The following ITGA9 variants were observed in gnomAD, a reference collection of about 807,000 sequenced individuals.
The protein encoded by ITGA9 is integrin alpha-9.
In ITGA9, 56 loss-of-function variants were observed where a neutral mutation model predicts 127.8. The observed-to-expected ratio is 0.44, with a 90% CI of 0.35 to 0.55. The LOEUF is 0.55. ITGA9 is among the 20% of genes least tolerant of loss of function. The pLI is 0.00. For synonymous variants in ITGA9, 508 were observed against 514.5 expected (o/e 0.99, Z 0.17); for missense variants, 1,196 against 1,347.1 (o/e 0.89, Z 1.76).
chr3:37,672,814 TTAAAATA>T (rs144672745), intron 17 of ITGA9, among the ~76,000 whole-genome samples: 1,807 of 152,030 alleles, frequency 0.012, 10 homozygotes, highest in South Asian at 0.024. Context: ...CTAGAATAGA[TTAAAATA>T]TAAAATAAAA....
intron 18 of ITGA9, among the ~76,000 whole-genome samples, chr3:37,686,203 T>C (rs925271661): frequency 4.6e-5 from 7 of 151,548 alleles, no homozygotes; most frequent in African/African-American, 1.7e-4. Flanking sequence ...TGAGGCACAA[T>C]GTGTGTGAAT....
intron 15 of ITGA9, among the ~76,000 whole-genome samples, chr3:37,583,187 G>C (rs1475460631): frequency 1.3e-5 from 2 of 152,058 alleles, no homozygotes; most frequent in African/African-American, 2.4e-5. Flanking sequence ...ATATATTCTT[G>C]GTTTAGATTT....
chr3:37,812,893 C>A (rs1697385011), intron 27 of ITGA9, among the ~76,000 whole-genome samples: 2 of 152,258 alleles, frequency 1.3e-5, no homozygotes, highest in Admixed American at 1.3e-4. Context: ...TCCAGCTTAG[C>A]CCATCATTAA....
At chr3:37,522,662 G>C (rs1379311792) in intron 11 of ITGA9, among the ~76,000 whole-genome samples, 1 of 151,670 alleles carries the variant, frequency 6.6e-6, no homozygotes, top group African/African-American at 2.4e-5. Context: ...GTTTGAGGCT[G>C]CAGTGTGCTA....
chr3:37,769,594 A>G (rs1696819763), intron 23 of ITGA9, among the ~76,000 whole-genome samples: 1 of 152,120 alleles, frequency 6.6e-6, no homozygotes, highest in African/African-American at 2.4e-5. Context: ...CCCAGCATTC[A>G]TCCAGTGCTT....
At chr3:37,802,965 C>T (rs1697252005) in intron 26 of ITGA9, among the ~76,000 whole-genome samples, 1 of 152,194 alleles carries the variant, frequency 6.6e-6, no homozygotes, top group African/African-American at 2.4e-5. Flanking sequence ...TGGGAAACTA[C>T]AGTACAGCCT....
intron 18 of ITGA9, among the ~76,000 whole-genome samples, chr3:37,697,450 A>G (rs1700897667): frequency 6.6e-6 from 1 of 151,952 alleles, no homozygotes; most frequent in African/African-American, 2.4e-5. Context: ...CTCATCATTT[A>G]CATTAGATAT....
chr3:37,641,310 C>T (rs768022928), intron 16 of ITGA9, among the ~76,000 whole-genome samples: 2 of 152,144 alleles, frequency 1.3e-5, no homozygotes, highest in Non-Finnish European at 2.9e-5. Context: ...CTCCACCGCC[C>T]GTTCATGGAA....
rs570823262 is a variant in ITGA9, at chr3:37,616,355, T to C, written c.1690-12832T>C. Among the ~76,000 whole-genome samples the C allele has an allele frequency of 4.3e-4, 66 of 152,350 alleles. 1 individual carries two copies. The South Asian group carries it at 7.9e-3, about 18-fold the overall frequency. On this transcript the variant is annotated intron_variant, in intron 15 of 27. Transcript: ENST00000264741. ...CAGCTTGTTATAATTTCTGTTCTTT[T>C]ACATTTGCTGAGGAGAGCTTTACTT...
intron 15 of ITGA9, among the ~76,000 whole-genome samples, chr3:37,627,432 A>G (rs375049189): frequency 6.6e-6 from 1 of 152,048 alleles, no homozygotes; most frequent in Admixed American, 6.5e-5. Context: ...CTCTGCATGC[A>G]TTCTACTCAC....
intron 4 of ITGA9, among the ~76,000 whole-genome samples, chr3:37,491,142 AATTTTTGT>A (rs1429712523): frequency 2.0e-5 from 3 of 151,838 alleles, no homozygotes; most frequent in Admixed American, 2.0e-4. Context: ...GCATCCAGCT[AATTTTTGT>A]ATTTTTGTAG....
At chr3:37,585,797 C>CT (rs527407317) in intron 15 of ITGA9, among the ~76,000 whole-genome samples, 3 of 63,204 alleles carry the variant, frequency 4.7e-5, no homozygotes, top group African/African-American at 1.8e-4. Flanking sequence ...AAGAAGGGGG[C>CT]CCCCCCAATT....
chr3:37,611,887 C>T (rs1700020156), intron 15 of ITGA9, among the ~76,000 whole-genome samples: 1 of 152,104 alleles, frequency 6.6e-6, no homozygotes, highest in Non-Finnish European at 1.5e-5. Flanking sequence ...TCTTCCCTTC[C>T]TATGGGCTCA....
At chr3:37,706,641 C>T (rs1701008869) in intron 18 of ITGA9, among the ~76,000 whole-genome samples, 1 of 152,178 alleles carries the variant, frequency 6.6e-6, no homozygotes, top group Non-Finnish European at 1.5e-5. Context: ...ATGGATTGTC[C>T]TGCCCTGGCC....
intron 23 of ITGA9, among the ~76,000 whole-genome samples, chr3:37,755,853 TA>T (rs1192700782): frequency 6.6e-6 from 1 of 151,984 alleles, no homozygotes; most frequent in Non-Finnish European, 1.5e-5. Context: ...AAGGCTTTGG[TA>T]AAATAAATGT....
chr3:37,740,978 G>A (rs1179620068), intron 20 of ITGA9, among the ~76,000 whole-genome samples: 2 of 152,262 alleles, frequency 1.3e-5, no homozygotes, highest in East Asian at 1.9e-4. Context: ...TCTTTCCTGG[G>A]CTTGGCTGTC....
intron 23 of ITGA9, 146 bp from the exon 24 acceptor site, chr3:37,777,246 T>C: frequency 3.4e-6 from 3 of 888,684 alleles, no homozygotes; most frequent in Non-Finnish European, 5.4e-6. Flanking sequence ...GCCTTTCAGC[T>C]TTTCAGCCAT....
intron 17 of ITGA9, among the ~76,000 whole-genome samples, chr3:37,676,925 C>T (rs1178218450): frequency 1.3e-5 from 2 of 152,210 alleles, no homozygotes; most frequent in Non-Finnish European, 2.9e-5. Context: ...CCCTGTTTTT[C>T]TGCCCATCAA....
At chr3:37,522,413 A>G (rs566429971) in intron 11 of ITGA9, among the ~76,000 whole-genome samples, 2 of 152,186 alleles carry the variant, frequency 1.3e-5, no homozygotes, top group African/African-American at 4.8e-5. Context: ...GCCTGTGTGG[A>G]TATGTGATGA....
Sources: gnomAD v4.1 joint callset for allele counts (sites outside exome capture counted in the v4.1 genomes callset) on GRCh38, gnomAD v4.1.1 for gene constraint, MANE v1.5 for transcripts, NCBI Gene and HGNC (gene_info 2026-07-23, HGNC 2026-07-21) for gene names.